The following KCNK10 variants were observed in gnomAD, a reference collection of about 807,000 sequenced individuals.
The protein encoded by KCNK10 is potassium channel subfamily K member 10.
KCNK10 carries 25 observed loss-of-function variants against 47.7 expected under a neutral mutation model. The ratio of observed to expected loss-of-function variants is 0.52; its 90% CI spans 0.38 to 0.73. The LOEUF is 0.73. Among genes scored for constraint, KCNK10 ranks in the 30% least tolerant of loss-of-function variants. KCNK10 has a pLI of 0.00. For synonymous variants in KCNK10, 303 were observed against 285.6 expected, an observed-to-expected ratio of 1.06 and a Z score of -0.61; for missense variants, 563 against 714.5, an observed-to-expected ratio of 0.79 and a Z score of 2.42.
At chr14:88,275,669 G>A (rs1159185332) in intron 1 of KCNK10, among the ~76,000 whole-genome samples, 3 of 127,658 alleles carry the variant, frequency 2.4e-5, no homozygotes, top group East Asian at 2.2e-4. Flanking sequence ...CCAACATGGC[G>A]AAGTCCCAGC....
At chr14:88,239,300 G>C (rs1886384075) in intron 3 of KCNK10, among the ~76,000 whole-genome samples, 1 of 152,124 alleles carries the variant, frequency 6.6e-6, no homozygotes. Flanking sequence ...GAATAAGAGT[G>C]GATAGTGGAA....
At chr14:88,268,012 G>C (rs1463198791) in intron 1 of KCNK10, among the ~76,000 whole-genome samples, 2 of 152,148 alleles carry the variant, frequency 1.3e-5, no homozygotes, top group Non-Finnish European at 2.9e-5. Context: ...GCCAAGAAGG[G>C]ATTAAATGTG....
Position 88,230,555 on chromosome 14 carries a change from A to G in KCNK10, c.521-3020T>C, listed in dbSNP as rs1264552591. On this transcript the variant is annotated intron_variant, in intron 3 of 6. Transcript: ENST00000319231. Reference sequence around the variant, plus strand: ...ATCTTGGCCCAACTGTGTGTTGTGCAGCCCTACTTGTTTAGTTGAGAGTGT... The same window carrying G: ...ATCTTGGCCCAACTGTGTGTTGTGCGGCCCTACTTGTTTAGTTGAGAGTGT... 1.8e-4 allele frequency among the ~76,000 whole-genome samples: 28 copies of G among 152,244 alleles called. 1 individual carries two copies. Among genetic ancestry groups the G allele is most frequent in the Admixed American group, 1.7e-3 (26 of 15,282 alleles).
At chr14:88,240,293 A>G (rs547372817) in intron 3 of KCNK10, among the ~76,000 whole-genome samples, 1 of 152,334 alleles carries the variant, frequency 6.6e-6, no homozygotes, top group East Asian at 1.9e-4. Context: ...TGAAAGCAAC[A>G]GTCTCTGGGA....
At chr14:88,299,230 T>C (rs1451797101) in intron 1 of KCNK10, among the ~76,000 whole-genome samples, 2 of 152,186 alleles carry the variant, frequency 1.3e-5, no homozygotes, top group African/African-American at 4.8e-5. Flanking sequence ...TGAAGTGAAC[T>C]GAATTTGAGG....
At chr14:88,289,716 C>T (rs977315132) in intron 1 of KCNK10, among the ~76,000 whole-genome samples, 1 of 152,200 alleles carries the variant, frequency 6.6e-6, no homozygotes, top group Non-Finnish European at 1.5e-5. Flanking sequence ...GTCCTTAGCT[C>T]TGTGGCCTTG....
intron 1 of KCNK10, among the ~76,000 whole-genome samples, chr14:88,267,210 T>C (rs1169323755): frequency 1.3e-5 from 2 of 152,150 alleles, no homozygotes; most frequent in Non-Finnish European, 2.9e-5. Flanking sequence ...AGTATATTTG[T>C]AGTTGTCAGG....
intron 3 of KCNK10, among the ~76,000 whole-genome samples, chr14:88,239,179 G>C (rs139517437): frequency 6.6e-6 from 1 of 151,712 alleles, no homozygotes; most frequent in African/African-American, 2.4e-5. Flanking sequence ...TGTTCAATGC[G>C]GGATTGCCAT....
At chr14:88,320,375 T>C (rs988236659) in intron 1 of KCNK10, among the ~76,000 whole-genome samples, 1 of 152,204 alleles carries the variant, frequency 6.6e-6, no homozygotes. Context: ...TGTTCATCAC[T>C]GTAACATGAA....
intron 2 of KCNK10, among the ~76,000 whole-genome samples, chr14:88,246,604 C>A (rs1224083093): frequency 6.6e-6 from 1 of 152,214 alleles, no homozygotes; most frequent in African/African-American, 2.4e-5. Flanking sequence ...ATATTTCAAA[C>A]AACCATGGGA....
At chr14:88,235,493 A>C (rs548828094) in intron 3 of KCNK10, among the ~76,000 whole-genome samples, 1 of 152,318 alleles carries the variant, frequency 6.6e-6, no homozygotes, top group South Asian at 2.1e-4. Flanking sequence ...TCAAGAAATC[A>C]GTGGAAAAAT....
Position 88,260,233 on chromosome 14 carries a change from G to T in KCNK10, c.402+2969C>A, listed in dbSNP as rs192786502. Among the ~76,000 whole-genome samples the T allele has an allele frequency of 2.6e-5, 4 of 152,082 alleles. No individual in the cohort carries two copies. Among genetic ancestry groups the T allele is most frequent in the Non-Finnish European group, 2.9e-5 (2 of 68,028 alleles). On this transcript the variant is annotated intron_variant, in intron 2 of 6. Coordinates refer to ENST00000319231, the MANE Select transcript of KCNK10 (RefSeq NM_138317.3). The surrounding 1 kb of genome is among the most constrained non-coding windows in gnomAD (Gnocchi z 4.5). ...GCTGGGATTACAGGTGTAAGCCACC[G>T]CGCCAGGCCAAGATATGGTTGTTTA...
intron 1 of KCNK10, among the ~76,000 whole-genome samples, chr14:88,272,844 A>T (rs1024016268): frequency 6.6e-6 from 1 of 152,150 alleles, no homozygotes; most frequent in Non-Finnish European, 1.5e-5. Flanking sequence ...GGAGTCAGAG[A>T]CAAGGCGTGT....
intron 4 of KCNK10, among the ~76,000 whole-genome samples, chr14:88,211,929 T>C (rs1422571108): frequency 6.6e-6 from 1 of 150,466 alleles, no homozygotes; most frequent in Non-Finnish European, 1.5e-5. Flanking sequence ...TAACAATGAC[T>C]ATGGCCAGGA....
At chr14:88,211,145 T>C (rs1052130350) in intron 4 of KCNK10, among the ~76,000 whole-genome samples, 1 of 152,284 alleles carries the variant, frequency 6.6e-6, no homozygotes. Context: ...AAATGTGGTA[T>C]ATACAGACAG....
chr14:88,231,631 C>A (rs1886161947), intron 3 of KCNK10, among the ~76,000 whole-genome samples: 1 of 152,198 alleles, frequency 6.6e-6, no homozygotes. Context: ...GGGGACCCAC[C>A]AGCTGAGCCA....
chr14:88,195,995 G>A (rs1283543215), intron 4 of KCNK10, among the ~76,000 whole-genome samples: 1 of 152,140 alleles, frequency 6.6e-6, no homozygotes, highest in Non-Finnish European at 1.5e-5. Flanking sequence ...TGTGTCCTTA[G>A]GCTAACAAAA....
At chr14:88,195,745 C>T (rs775889756) in intron 4 of KCNK10, among the ~76,000 whole-genome samples, 6 of 152,176 alleles carry the variant, frequency 3.9e-5, no homozygotes, top group Non-Finnish European at 5.9e-5. Context: ...CATTTTTCAT[C>T]ATCCTTCCGA....
intron 1 of KCNK10, among the ~76,000 whole-genome samples, chr14:88,297,844 C>T (rs1888017789): frequency 6.6e-6 from 1 of 152,176 alleles, no homozygotes; most frequent in African/African-American, 2.4e-5. Context: ...AAGAACTATG[C>T]ATGAAAATGA....
Sources: gnomAD v4.1 joint callset for allele counts (sites outside exome capture counted in the v4.1 genomes callset) on GRCh38, gnomAD v4.1.1 for gene constraint, Gnocchi (gnomAD v3.1) non-coding constraint, MANE v1.5 for transcripts, NCBI Gene and HGNC (gene_info 2026-07-23, HGNC 2026-07-21) for gene names.